The following NSD2 variants were observed in gnomAD, a reference collection of about 807,000 sequenced individuals.
The protein encoded by NSD2 is histone-lysine N-methyltransferase NSD2.
A neutral mutation model predicts 139.0 loss-of-function variants in NSD2; 12 were observed. The ratio of observed to expected loss-of-function variants is 0.09; its 90% CI spans 0.06 to 0.14. NSD2 has a LOEUF of 0.14. Ranked by LOEUF, NSD2 falls within the 10% of genes least tolerant of loss-of-function variation. The probability of loss-of-function intolerance (pLI) is 1.00; values close to 1 mark genes in which losing one functional copy is unlikely to be tolerated. For missense variants in NSD2, 1,155 were observed against 1,745.0 expected, an observed-to-expected ratio of 0.66 and a Z score of 6.02; for synonymous variants, 669 against 648.7, an observed-to-expected ratio of 1.03 and a Z score of -0.48.
chr4:1,882,307 T>C (rs970875027), intron 1 of NSD2, among the ~76,000 whole-genome samples: 10 of 152,182 alleles, frequency 6.6e-5, no homozygotes, highest in Non-Finnish European at 1.3e-4. Flanking sequence ...GACACGTGCT[T>C]TATCGTGTTC....
Position 1,878,251 on chromosome 4 carries a change from A to AT in NSD2, c.-30+6742dup, listed in dbSNP as rs71589624. On this transcript the variant is annotated intron_variant, in intron 1 of 21. Coordinates refer to ENST00000508803, the MANE Select transcript of NSD2 (RefSeq NM_001042424.3). Reference sequence around the variant, plus strand: ...GATATATATATATATATATATATATATTTTTTTTTTTTTTTTTTTTTTTTT... The same window carrying AT: ...GATATATATATATATATATATATATATTTTTTTTTTTTTTTTTTTTTTTTTT... 5.0e-3 allele frequency among the ~76,000 whole-genome samples: 147 copies of AT among 29,296 alleles called. 12 individuals are homozygous for AT. Among genetic ancestry groups the AT allele is most frequent in the East Asian group, 0.011 (8 of 720 alleles). The allele number at this position is 29,296 out of a possible 152,430, so 19.2% of individuals were successfully genotyped here. A position where few individuals can be genotyped will look rare whatever the true frequency, so the allele number is the denominator to read the frequency against.
Position 1,918,135 on chromosome 4 carries a change from T to C in NSD2, c.928-6T>C, listed in dbSNP as rs529781802. 9.4e-5 allele frequency: 150 copies of C among 1,597,660 alleles called. No homozygotes were observed. The highest frequency in any genetic ancestry group is 2.7e-4 in the African/African-American group (20 of 73,656). ...AAACTTACAGTGTCTCTTTTTTTTT[T>C]CCCAGCTATTGAAACCAATTTCAGG... On this transcript the variant is annotated splice_polypyrimidine_tract_variant and splice_region_variant and intron_variant, in intron 4 of 21. Coordinates refer to ENST00000508803, the MANE Select transcript of NSD2 (RefSeq NM_001042424.3).
intron 1 of NSD2, among the ~76,000 whole-genome samples, chr4:1,894,411 T>C (rs1314497354): frequency 6.6e-6 from 1 of 152,162 alleles, no homozygotes; most frequent in Non-Finnish European, 1.5e-5. Flanking sequence ...TCTTTGAAAT[T>C]TGTTGGCTGG....
intron 1 of NSD2, among the ~76,000 whole-genome samples, chr4:1,879,644 G>A (rs1243410748): frequency 2.0e-5 from 3 of 152,020 alleles, no homozygotes; most frequent in Non-Finnish European, 4.4e-5. Flanking sequence ...TCATCATGCT[G>A]CCTGTAGCTC....
At position 1,958,063 on chromosome 4, in the gene NSD2, G is replaced by A. The variant is rs764569364; in HGVS notation, c.2985+27G>A. The A allele has an allele frequency of 6.9e-6, 11 of 1,602,072 alleles. No individual in the cohort carries two copies. The highest frequency in any genetic ancestry group is 5.5e-5 in the South Asian group (5 of 90,282). On this transcript the variant is annotated intron_variant, in intron 16 of 21. Transcript: ENST00000508803. The surrounding 1 kb of genome is among the most constrained non-coding windows in gnomAD (Gnocchi z 4.6). ...TGGCGTGTGGGAGCTGCGTGCACGC[G>A]TGTGGAGGGAGTCTTCCCCGAGGGC... is the stretch of plus-strand genomic sequence containing the variant.
At chr4:1,910,352 A>C (rs898498952) in intron 3 of NSD2, among the ~76,000 whole-genome samples, 1 of 151,946 alleles carries the variant, frequency 6.6e-6, no homozygotes, top group African/African-American at 2.4e-5. Flanking sequence ...CAGCCTCCCG[A>C]GTAGCTGGCA....
chr4:1,873,987 C>T (rs1018563149), intron 1 of NSD2, among the ~76,000 whole-genome samples: 16 of 152,292 alleles, frequency 1.1e-4, no homozygotes, highest in African/African-American at 3.4e-4. Context: ...CCTCAGCCTC[C>T]TGAGTAGTGG....
At chr4:1,945,065 G>T (rs901271438) in intron 9 of NSD2, 2 of 1,066,316 alleles carry the variant, frequency 1.9e-6, no homozygotes, top group Admixed American at 5.3e-5. Flanking sequence ...GGGCTCCTCT[G>T]TCCCACTGCT....
At chr4:1,943,556 T>A in intron 9 of NSD2, 4 of 1,050,576 alleles carry the variant, frequency 3.8e-6, no homozygotes, top group Non-Finnish European at 4.6e-6. Context: ...ACTGGATTTG[T>A]GTGTGTGGCG....
Position 1,955,952 on chromosome 4 carries a change from C to T in NSD2, c.2676-31C>T. ...ATTATTATCGCTGTCTCTGAGGAGT[C>T]TGTGAATCCTGTTTTTAATATTTAT... is the stretch of plus-strand genomic sequence containing the variant. On this transcript the variant is annotated intron_variant, in intron 14 of 21. Transcript: ENST00000508803. The surrounding 1 kb of genome is among the most constrained non-coding windows in gnomAD (Gnocchi z 4.7). The T allele has an allele frequency of 6.2e-7, 1 of 1,612,888 alleles. No individual in the cohort carries two copies. Among genetic ancestry groups the T allele is most frequent in the Non-Finnish European group, 8.5e-7 (1 of 1,179,386 alleles).
In NSD2 at chr4:1,904,246, A is replaced by G. The variant is rs766759466; in HGVS notation, c.628A>G (p.Thr210Ala). 6.8e-6 allele frequency: 11 copies of G among 1,613,898 alleles called. No homozygotes were observed. The highest frequency in any genetic ancestry group is 4.0e-5 in the African/African-American group (3 of 74,896). The change falls in exon 3 of 22, where the codon ACT becomes GCT. Residue 210 changes from threonine to alanine, a missense_variant. Around this residue, in one of 8 missense-constraint regions of NSD2, gnomAD observed 246 missense variants for 262.8 expected, o/e 0.94. Transcript: ENST00000508803. ...IPAKKESCPN[T>A]GRDKDHLLKY... ...AGCTAAGAAAGAGTCTTGTCCAAAC[A>G]CTGGAAGAGACAAAGACCACCTGTT...
At chr4:1,937,965 A>G (rs1210618635) in intron 7 of NSD2, among the ~76,000 whole-genome samples, 1 of 152,244 alleles carries the variant, frequency 6.6e-6, no homozygotes, top group African/African-American at 2.4e-5. Context: ...AATCCTCAGT[A>G]TAGTGATACT....
chr4:1,875,123 G>C (rs1375629451), intron 1 of NSD2, among the ~76,000 whole-genome samples: 1 of 151,896 alleles, frequency 6.6e-6, no homozygotes, highest in East Asian at 1.9e-4. Flanking sequence ...CACCATGCTT[G>C]GCTAATTTTA....
At chr4:1,975,715 G>A (rs554640364) in intron 20 of NSD2, 5 of 286,446 alleles carry the variant, frequency 1.7e-5, no homozygotes, top group African/African-American at 2.2e-5. Context: ...CCTGTCTCCC[G>A]TTCCTGGTGG....
Position 1,900,868 on chromosome 4 carries a change from C to A in NSD2, c.214C>A (p.Pro72Thr), listed in dbSNP as rs1717067970. 1.2e-6 allele frequency: 2 copies of A among 1,613,154 alleles called. No individual in the cohort carries two copies. The highest frequency in any genetic ancestry group is 1.7e-5 in the Admixed American group (1 of 59,914). Reference protein sequence around the residue: ...MQKFNGHDALPFIPADKLKDL... With the variant: ...MQKFNGHDALTFIPADKLKDL... ...GAAGTTTAACGGCCACGACGCCCTGCCCTTTATTCCAGCCGACAAGCTGAA... is the reference window on the plus strand; with the variant it reads ...GAAGTTTAACGGCCACGACGCCCTGACCTTTATTCCAGCCGACAAGCTGAA... The change falls in exon 2 of 22, where the codon CCC becomes ACC. Residue 72 changes from proline to threonine, a missense_variant. Physicochemically the swap from Pro to Thr is conservative, Grantham distance 38 (BLOSUM62 -1). This residue lies in a region of NSD2 where 246 missense variants were observed against 262.8 expected (regional missense o/e 0.94). Transcript: ENST00000508803.
chr4:1,959,578 G>A lies in NSD2; in HGVS notation c.3093G>A (p.Glu1031=). 1 of 1,614,210 alleles carries A rather than the reference G, an allele frequency of 6.2e-7. No homozygotes were observed. Among genetic ancestry groups the A allele is most frequent in the African/African-American group, 1.3e-5 (1 of 75,050 alleles). Residue 1031 remains glutamate, a synonymous_variant, in exon 17 of 22, where the codon GAG becomes GAA. Coordinates refer to ENST00000508803, the MANE Select transcript of NSD2 (RefSeq NM_001042424.3). ...TDENPCGFDS[E]CLNRMLMFEC... ...AGAATCCTTGTGGCTTTGATTCGGA[G>A]TGTCTGAACAGGATGCTGATGTTTG...
At chr4:1,918,782 G>A in intron 5 of NSD2, 159 bp downstream of exon 5, 1 of 1,008,194 alleles carries the variant, frequency 9.9e-7, no homozygotes, top group Non-Finnish European at 1.4e-6. Flanking sequence ...CAGCCATTCT[G>A]ACCCTTGAGG....
At chr4:1,941,867 T>G in intron 9 of NSD2, 1 of 1,060,760 alleles carries the variant, frequency 9.4e-7, no homozygotes, top group Non-Finnish European at 1.1e-6. Context: ...TTGTGATGTT[T>G]CCAATGCTGA....
intron 17 of NSD2, among the ~76,000 whole-genome samples, chr4:1,960,220 A>G (rs185348604): frequency 6.6e-6 from 1 of 152,360 alleles, no homozygotes; most frequent in East Asian, 1.9e-4. Flanking sequence ...CATGAAAGGT[A>G]TCTGCTATAA....
Sources: allele counts gnomAD v4.1 joint callset (sites outside exome capture counted in the v4.1 genomes callset), GRCh38; gene constraint gnomAD v4.1.1; regional missense constraint gnomAD v4.1.1; non-coding constraint Gnocchi (gnomAD v3.1); transcripts MANE v1.5; gene names NCBI Gene and HGNC (gene_info 2026-07-23, HGNC 2026-07-21).